The following MGAT1 variants were observed in gnomAD, a reference collection of about 807,000 sequenced individuals.
The protein encoded by MGAT1 is alpha-1,3-mannosyl-glycoprotein 2-beta-N-acetylglucosaminyltransferase, also known as N-glycosyl-oligosaccharide-glycoprotein N-acetylglucosaminyltransferase I.
MGAT1 carries 14 observed loss-of-function variants against 31.7 expected under a neutral mutation model. The ratio of observed to expected loss-of-function variants is 0.44; its 90% CI spans 0.29 to 0.69. The LOEUF (loss-of-function observed/expected upper bound fraction) is 0.69. MGAT1 is among the 30% of genes least tolerant of loss of function. The pLI, the probability that MGAT1 is intolerant of heterozygous loss-of-function variation, is 0.12. For missense variants in MGAT1, 557 were observed against 626.0 expected (o/e 0.89, Z 1.18); for synonymous variants, 338 against 276.0 (o/e 1.22, Z -2.23).
chr5:180,813,384 C>T (rs529837730), intron 1 of MGAT1, among the ~76,000 whole-genome samples: 10 of 152,182 alleles, frequency 6.6e-5, no homozygotes, highest in African/African-American at 9.6e-5. Context: ...TTGGATTCAT[C>T]TTTGTCTTAT....
rs1767574378 is a variant in MGAT1 at position 180,786,462 on chromosome 5, C to G, written c.*5172G>C. 6.6e-6 allele frequency: 1 copy of G among 152,264 alleles called. No homozygotes were observed. Among genetic ancestry groups the G allele is most frequent in the Non-Finnish European group, 1.5e-5 (1 of 68,092 alleles). The allele number at this position is 152,264 out of a possible 1,614,324, so 9.4% of individuals were successfully genotyped here. A position where few individuals can be genotyped will look rare whatever the true frequency, so the allele number is the denominator to read the frequency against. ...CCCTGTAGTCGCCCATACAATCACT[C>G]CCTTCTTAGTAACAGGAATCTTAAT... On this transcript the variant is annotated 3_prime_UTR_variant, in exon 2 of 2. Coordinates refer to ENST00000307826, the MANE Select transcript of MGAT1 (RefSeq NM_002406.4).
rs1038412348 is a variant in MGAT1 at position 180,790,699 on chromosome 5, G to C, written c.*935C>G. The C allele has an allele frequency of 6.6e-6, 1 of 152,614 alleles. No individual in the cohort carries two copies. Among genetic ancestry groups the C allele is most frequent in the African/African-American group, 2.4e-5 (1 of 41,426 alleles). The allele number at this position is 152,614 out of a possible 1,614,324, so 9.5% of individuals were successfully genotyped here. ...GAGGACATGGGGCGCCTGGGAGCGG[G>C]CGGGGAGGCTGGGCAGCACTGGGCC... On this transcript the variant is annotated 3_prime_UTR_variant, in exon 2 of 2. Transcript: ENST00000307826.
At chr5:180,797,269 G>A (rs907591276) in intron 1 of MGAT1, among the ~76,000 whole-genome samples, 1 of 152,086 alleles carries the variant, frequency 6.6e-6, no homozygotes, top group South Asian at 2.1e-4. Flanking sequence ...GGGTGTGGTG[G>A]TGCGTGCCTG....
chr5:180,791,871 C>G lies in MGAT1; in HGVS notation c.1101G>C (p.Gln367His), dbSNP rs1386120514. 1 of 1,614,238 alleles carries G rather than the reference C, an allele frequency of 6.2e-7. No homozygotes were observed. Among genetic ancestry groups the G allele is most frequent in the South Asian group, 1.1e-5 (1 of 91,090 alleles). ...TGGTCCTCACTTTCTCCACCTGCAGCTGGGGAGCACCGTAGACGCGGGCGA... is the reference window on the plus strand; with the variant it reads ...TGGTCCTCACTTTCTCCACCTGCAGGTGGGGAGCACCGTAGACGCGGGCGA... ...DFLARVYGAP[Q>H]LQVEKVRTND... Residue 367 changes from glutamine to histidine, a missense_variant, in exon 2 of 2, where the codon CAG becomes CAC. Around this residue, in one of 3 missense-constraint regions of MGAT1, gnomAD observed 145 missense variants for 143.2 expected, o/e 1.01. Transcript: ENST00000307826.
chr5:180,802,447 C>A (rs970542129), intron 1 of MGAT1, among the ~76,000 whole-genome samples: 14 of 152,136 alleles, frequency 9.2e-5, no homozygotes, highest in Non-Finnish European at 1.5e-4. Flanking sequence ...CTTCCTCTAA[C>A]AGCTGGAGGC....
At position 180,785,215 on chromosome 5, in the gene MGAT1, A is replaced by G. The variant is rs1767490314; in HGVS notation, c.*6419T>C. 3 of 152,254 alleles carry G rather than the reference A, an allele frequency of 2.0e-5. No individual in the cohort carries two copies. Among genetic ancestry groups the G allele is most frequent in the Admixed American group, 2.0e-4 (3 of 15,286 alleles). The allele number at this position is 152,254 out of a possible 1,614,324, so 9.4% of individuals were successfully genotyped here. The stretch of plus-strand genomic sequence containing the variant: ...TGTTTTAAAATTCTATTCTCAAAAT[A>G]TTTGTTCAAACATTCCATTCTGGTC... On this transcript the variant is annotated 3_prime_UTR_variant, in exon 2 of 2. Transcript: ENST00000307826.
At position 180,790,950 on chromosome 5, in the gene MGAT1, A is replaced by G. The variant is rs867100809; in HGVS notation, c.*684T>C. 7 of 152,560 alleles carry G rather than the reference A, an allele frequency of 4.6e-5. No individual in the cohort carries two copies. The South Asian group carries it at 1.4e-3, about 32-fold the overall frequency. The allele number at this position is 152,560 out of a possible 1,614,324, so 9.5% of individuals were successfully genotyped here. ...GGCAAGAGAGAGGTTGTCCCAGCACAAGGCCTTCCTCCCTGCACCTCTCTC... is the reference window on the plus strand; with the variant it reads ...GGCAAGAGAGAGGTTGTCCCAGCACGAGGCCTTCCTCCCTGCACCTCTCTC... On this transcript the variant is annotated 3_prime_UTR_variant, in exon 2 of 2. Transcript: ENST00000307826.
chr5:180,797,442 C>CGGGG (rs1561843203), intron 1 of MGAT1, among the ~76,000 whole-genome samples: 16 of 119,774 alleles, frequency 1.3e-4, no homozygotes, highest in South Asian at 3.0e-4. Context: ...GGGGGGGGGC[C>CGGGG]CAGAGGGATA....
Position 180,793,042 on chromosome 5 carries a change from C to T in MGAT1, c.-71G>A, listed in dbSNP as rs1409195045. The T allele has an allele frequency of 6.4e-7, 1 of 1,571,138 alleles. No homozygotes were observed. The highest frequency in any genetic ancestry group is 8.7e-7 in the Non-Finnish European group (1 of 1,155,296). ...GCCCTGGGCTTGCCCGGCTCCCTTG[C>T]CCGCAGTCCTAGGGATGCCTCCTCT... On this transcript the variant is annotated 5_prime_UTR_variant, in exon 2 of 2. Transcript: ENST00000307826.
In MGAT1 at chr5:180,792,897, G is replaced by C. The variant is rs746023209; in HGVS notation, c.75C>G (p.Leu25=). 11 of 1,608,300 alleles carry C rather than the reference G, an allele frequency of 6.8e-6. No homozygotes were observed. Among genetic ancestry groups the C allele is most frequent in the South Asian group, 3.3e-5 (3 of 89,846 alleles). ...ILFVAWNALL[L]LFFWTRPAPG... Reference sequence around the variant, plus strand: ...GTGCTGGGCGCGTCCAGAAGAAGAGGAGCAGCAGGGCATTCCAGGCCACAA... The same window carrying C: ...GTGCTGGGCGCGTCCAGAAGAAGAGCAGCAGCAGGGCATTCCAGGCCACAA... The change falls in exon 2 of 2, where the codon CTC becomes CTG. Residue 25 remains leucine (L), a synonymous_variant. Coordinates refer to ENST00000307826, the MANE Select transcript of MGAT1 (RefSeq NM_002406.4).
intron 1 of MGAT1, among the ~76,000 whole-genome samples, chr5:180,794,734 G>C (rs77110167): frequency 1.3e-5 from 2 of 152,064 alleles, no homozygotes; most frequent in Admixed American, 1.3e-4. Flanking sequence ...GATCACAAGG[G>C]GGGCAGGGGC....
chr5:180,814,624 T>TG lies in MGAT1; in HGVS notation c.-546+789dup, dbSNP rs149804403. Among the ~76,000 whole-genome samples, 421 of 152,332 alleles carry TG rather than the reference T, an allele frequency of 2.8e-3. 19 individuals are homozygous for TG. In the East Asian group the frequency reaches 0.072, roughly 26 times the overall value. On this transcript the variant is annotated intron_variant, in intron 1 of 2. Coordinates refer to the MGAT1 transcript ENST00000333055. ...CACTCCATGTCAAAGATACTTAGTC[T>TG]GTTTCTATTGCTTATGACAGAATAT...
At position 180,797,406 on chromosome 5, in the gene MGAT1, C is replaced by CAAA. The variant is rs929442972; in HGVS notation, c.-126-4312_-126-4310dup. Reference sequence around the variant, plus strand: ...GATGAAGCAAGACTCCATCCCCCACCAAAAAAAAAAAAAAAAAAAAAAAGG... The same window carrying CAAA: ...GATGAAGCAAGACTCCATCCCCCACCAAAAAAAAAAAAAAAAAAAAAAAAAAGG... On this transcript the variant is annotated intron_variant, in intron 1 of 1. Coordinates refer to ENST00000307826, the MANE Select transcript of MGAT1 (RefSeq NM_002406.4). 3.0e-3 allele frequency among the ~76,000 whole-genome samples: 159 copies of CAAA among 52,168 alleles called. 1 individual carries two copies. The highest frequency in any genetic ancestry group is 0.01 in the African/African-American group (139 of 13,570). The allele number at this position is 52,168 out of a possible 152,430, so 34.2% of individuals were successfully genotyped here.
In MGAT1 at chr5:180,785,284, A is replaced by G. The variant is rs557188564; in HGVS notation, c.*6350T>C. Reference sequence around the variant, plus strand: ...TTTCAAGGACAGAACACAGTATCCGAGAGTTCTGGTTTCTACTGTTGCTCA... The same window carrying G: ...TTTCAAGGACAGAACACAGTATCCGGGAGTTCTGGTTTCTACTGTTGCTCA... On this transcript the variant is annotated 3_prime_UTR_variant, in exon 2 of 2. Transcript: ENST00000307826. 1.3e-5 allele frequency: 2 copies of G among 152,358 alleles called. No individual in the cohort carries two copies. Among genetic ancestry groups the G allele is most frequent in the East Asian group, 1.9e-4 (1 of 5,188 alleles). 9.4% of individuals were successfully genotyped at this position (152,358 alleles called of 1,614,324 possible). A position where few individuals can be genotyped will look rare whatever the true frequency, so the allele number is the denominator to read the frequency against.
chr5:180,794,681 T>G (rs538726853), intron 1 of MGAT1, among the ~76,000 whole-genome samples: 3 of 149,016 alleles, frequency 2.0e-5, no homozygotes, highest in African/African-American at 7.4e-5. Context: ...TGATCCCCTG[T>G]GTGGTGGTGC....
intron 1 of MGAT1, among the ~76,000 whole-genome samples, chr5:180,801,751 C>G (rs6872096): frequency 0.12 from 18,869 of 152,254 alleles, 1,240 homozygotes; most frequent in East Asian, 0.24. Flanking sequence ...CAAGGTCCCA[C>G]TGCCTGGATA....
intron 1 of MGAT1, among the ~76,000 whole-genome samples, chr5:180,797,518 A>G (rs35418092): frequency 0.18 from 27,007 of 151,392 alleles, 3,076 homozygotes; most frequent in African/African-American, 0.32. Flanking sequence ...CCCTTGAGAT[A>G]ACTTCTGCAC....
intron 1 of MGAT1, among the ~76,000 whole-genome samples, chr5:180,799,099 T>C (rs532839230): frequency 6.6e-6 from 1 of 152,312 alleles, no homozygotes; most frequent in South Asian, 2.1e-4. Context: ...CAGCGCATCC[T>C]TCCTGACAAG....
rs555670308 is a variant in MGAT1, at chr5:180,802,050, G to C, written c.-127+630C>G. 3.9e-5 allele frequency among the ~76,000 whole-genome samples: 6 copies of C among 152,256 alleles called. No homozygotes were observed. The South Asian group carries it at 8.3e-4, about 21-fold the overall frequency. On this transcript the variant is annotated intron_variant, in intron 1 of 1. Coordinates refer to ENST00000307826, the MANE Select transcript of MGAT1 (RefSeq NM_002406.4). ...AAAGCTGGGCAACATCTCAGCCAGTGATGTTCTAAAACAAAACGGCAGACC... is the reference window on the plus strand; with the variant it reads ...AAAGCTGGGCAACATCTCAGCCAGTCATGTTCTAAAACAAAACGGCAGACC...
Sources: gnomAD v4.1 joint callset for allele counts (sites outside exome capture counted in the v4.1 genomes callset) on GRCh38, gnomAD v4.1.1 for gene constraint, gnomAD v4.1.1 regional missense constraint, MANE v1.5 for transcripts, NCBI Gene and HGNC (gene_info 2026-07-23, HGNC 2026-07-21) for gene names.